Variants in MFSD2B observed in about 807,000 individuals in gnomAD.
MFSD2B encodes sphingosine-1-phosphate transporter MFSD2B.
A neutral mutation model predicts 58.4 loss-of-function variants in MFSD2B; 56 were observed. The observed-to-expected ratio is 0.96, with a 90% confidence interval of 0.77 to 1.20. The LOEUF is 1.20. MFSD2B is among the 50% of genes most tolerant of loss of function. The probability of loss-of-function intolerance (pLI) is 0.00; values close to 1 mark genes in which losing one functional copy is unlikely to be tolerated. For synonymous variants in MFSD2B, 287 were observed against 294.4 expected, an observed-to-expected ratio of 0.97 and a Z score of 0.26; for missense variants, 645 against 667.6, an observed-to-expected ratio of 0.97 and a Z score of 0.37.
In MFSD2B at chr2:24,021,553, G is replaced by A. The variant is rs1003789648; in HGVS notation, c.682-95G>A. ...CTGGGCTTGGGTTGTGCCTCCCTCCGCTCCCACTGGGAGGCAGTACTGCCC... is the reference window on the plus strand; with the variant it reads ...CTGGGCTTGGGTTGTGCCTCCCTCCACTCCCACTGGGAGGCAGTACTGCCC... On this transcript the variant is annotated intron_variant, in intron 6 of 13. Coordinates refer to ENST00000338315, the MANE Select transcript of MFSD2B (RefSeq NM_001346880.2). The surrounding 1 kb of genome is among the most constrained non-coding windows in gnomAD (Gnocchi z 5.7). The A allele has an allele frequency of 8.9e-5, 103 of 1,159,988 alleles. No homozygotes were observed. In the East Asian group the frequency reaches 2.4e-3, roughly 28 times the overall value. 71.9% of individuals were successfully genotyped at this position (1,159,988 alleles called of 1,614,324 possible).
In MFSD2B at chr2:24,017,276, G is replaced by T; in HGVS notation, c.472-10G>T. 6.3e-7 allele frequency: 1 copy of T among 1,589,880 alleles called. No homozygotes were observed. The highest frequency in any genetic ancestry group is 8.6e-7 in the Non-Finnish European group (1 of 1,169,132). On this transcript the variant is annotated splice_polypyrimidine_tract_variant and intron_variant, in intron 4 of 13. Transcript: ENST00000338315. This position sits in a 1 kb window ranked among gnomAD's most constrained non-coding sequence, Gnocchi z 4.8. ...GCTGGGGGCGGTTCTAAGCTCTGCC[G>T]ACGCCCCAGTTCTTCCAGGTGCCCT...
At position 24,010,147 on chromosome 2, in the gene MFSD2B, G is replaced by A. The variant is rs746082088; in HGVS notation, c.51G>A (p.Pro17=). The A allele has an allele frequency of 3.8e-5, 55 of 1,462,656 alleles. No homozygotes were observed. Among genetic ancestry groups the A allele is most frequent in the Admixed American group, 1.9e-4 (8 of 41,798 alleles). 90.6% of individuals were successfully genotyped at this position (1,462,656 alleles called of 1,614,324 possible). Reference sequence around the variant, plus strand: ...CCAAGGGGTCCCCGCAGCCGGAGCCGCACGCCCCAGAGCCCGGCCCGGGGA... The same window carrying A: ...CCAAGGGGTCCCCGCAGCCGGAGCCACACGCCCCAGAGCCCGGCCCGGGGA... ...PAAKGSPQPE[P]HAPEPGPGSA... is the part of the protein sequence containing the mutation. Residue 17 remains proline, a synonymous_variant, in exon 1 of 14, where the codon CCG becomes CCA. Transcript: ENST00000338315.
At chr2:24,019,485 G>C (rs1662676038) in intron 6 of MFSD2B, among the ~76,000 whole-genome samples, 1 of 152,166 alleles carries the variant, frequency 6.6e-6, no homozygotes, top group East Asian at 1.9e-4. Context: ...CACTTTGAGG[G>C]GCCGAGGTGG....
chr2:24,015,589 G>A (rs192292206), intron 2 of MFSD2B, among the ~76,000 whole-genome samples: 50 of 152,326 alleles, frequency 3.3e-4, no homozygotes, highest in African/African-American at 1.1e-3. Context: ...TCATCCAAAC[G>A]ATTCTGGCAG....
At position 24,022,557 on chromosome 2, in the gene MFSD2B, C is replaced by T. The variant is rs749828864; in HGVS notation, c.978+41C>T. ...GTGGTGGAGGCTAGGTCACTTGGGG[C>T]CCTGAGCTGGGGACATGTGTGGTCC... On this transcript the variant is annotated intron_variant, in intron 9 of 13. Transcript: ENST00000338315. This position sits in a 1 kb window ranked among gnomAD's most constrained non-coding sequence, Gnocchi z 4.5. 9 of 1,509,760 alleles carry T rather than the reference C, an allele frequency of 6.0e-6. No individual in the cohort carries two copies. The highest frequency in any genetic ancestry group is 4.1e-5 in the African/African-American group (3 of 72,652). 93.5% of individuals were successfully genotyped at this position (1,509,760 alleles called of 1,614,324 possible).
In MFSD2B at chr2:24,024,020, G is replaced by A; in HGVS notation, c.1314-75G>A. ...GTTTCAGGAGGGGGTGGGGTGGGGTGAGGTGTCGAGTCCCTCCACCCAGGG... is the reference window on the plus strand; with the variant it reads ...GTTTCAGGAGGGGGTGGGGTGGGGTAAGGTGTCGAGTCCCTCCACCCAGGG... On this transcript the variant is annotated intron_variant, in intron 12 of 13. Coordinates refer to ENST00000338315, the MANE Select transcript of MFSD2B (RefSeq NM_001346880.2). This position sits in a 1 kb window ranked among gnomAD's most constrained non-coding sequence, Gnocchi z 4.3. The A allele has an allele frequency of 6.9e-7, 1 of 1,444,298 alleles. No homozygotes were observed. The highest frequency in any genetic ancestry group is 9.6e-7 in the Non-Finnish European group (1 of 1,045,354). The allele number at this position is 1,444,298 out of a possible 1,614,324, so 89.5% of individuals were successfully genotyped here.
chr2:24,025,311 G>A (rs1662942915), intron 13 of MFSD2B, 121 bp from the exon 14 acceptor site: 1 of 835,392 alleles, frequency 1.2e-6, no homozygotes, highest in Non-Finnish European at 2.0e-6. Context: ...GAGGGGAGGA[G>A]TTGAAGAGGA....
chr2:24,012,705 A>T lies in MFSD2B; in HGVS notation c.97-580A>T, dbSNP rs2150937046. ...AGCCACTGAGGGGACCAGCGGTGCC[A>T]TTTGCTAGGAGCTGGATTAGACAAT... On this transcript the variant is annotated intron_variant, in intron 1 of 13. Transcript: ENST00000338315. The surrounding 1 kb of genome is among the most constrained non-coding windows in gnomAD (Gnocchi z 4.5). Among the ~76,000 whole-genome samples, 1 of 152,298 alleles carries T rather than the reference A, an allele frequency of 6.6e-6. No individual in the cohort carries two copies. The highest frequency in any genetic ancestry group is 3.4e-3 in the Middle Eastern group (1 of 294).
In MFSD2B at chr2:24,025,549, T is replaced by A. The variant is rs897376804; in HGVS notation, c.*93T>A. 2 of 1,169,986 alleles carry A rather than the reference T, an allele frequency of 1.7e-6. No homozygotes were observed. The highest frequency in any genetic ancestry group is 3.0e-5 in the African/African-American group (2 of 65,760). 72.5% of individuals were successfully genotyped at this position (1,169,986 alleles called of 1,614,324 possible). ...AGCCCTCCAGCACCTGGTCTGGCAG[T>A]TTAGTATGTGACCTTTCTCCCTGGG... On this transcript the variant is annotated 3_prime_UTR_variant, in exon 14 of 14. Coordinates refer to ENST00000338315, the MANE Select transcript of MFSD2B (RefSeq NM_001346880.2).
At position 24,021,911 on chromosome 2, in the gene MFSD2B, C is replaced by G; in HGVS notation, c.835C>G (p.Arg279Gly). ...SFLAGLSLTTRHPPYLKLVIS... is the reference protein window; with the variant it reads ...SFLAGLSLTTGHPPYLKLVIS... ...CCTGGCTGGGCTGAGCCTCACTACC[C>G]GGCACCCACCCTACCTGAAGCTGGT... The change falls in exon 8 of 14, where the codon CGG (arginine) becomes GGG (glycine). Residue 279 changes from arginine to glycine, a missense_variant. Physicochemically the swap from Arg to Gly is moderately radical, Grantham distance 125. Transcript: ENST00000338315. This position sits in a 1 kb window ranked among gnomAD's most constrained non-coding sequence, Gnocchi z 5.7. The G allele has an allele frequency of 6.2e-7, 1 of 1,614,012 alleles. No individual in the cohort carries two copies. Among genetic ancestry groups the G allele is most frequent in the Non-Finnish European group, 8.5e-7 (1 of 1,179,868 alleles).
rs1358450127 is a variant in MFSD2B at position 24,012,022 on chromosome 2, T to A, written c.97-1263T>A. On this transcript the variant is annotated intron_variant, in intron 1 of 13. Coordinates refer to ENST00000338315, the MANE Select transcript of MFSD2B (RefSeq NM_001346880.2). The surrounding 1 kb of genome is among the most constrained non-coding windows in gnomAD (Gnocchi z 4.5). ...CCCGGCGTGGCTGAAGGAGAGCTAT[T>A]TGAGGTGAGGTGGGTAGGGGGCCGA... is the stretch of plus-strand genomic sequence containing the variant. Among the ~76,000 whole-genome samples the A allele has an allele frequency of 1.3e-5, 2 of 152,062 alleles. No individual in the cohort carries two copies. The highest frequency in any genetic ancestry group is 2.9e-5 in the Non-Finnish European group (2 of 68,010).
intron 1 of MFSD2B, among the ~76,000 whole-genome samples, chr2:24,010,484 G>A (rs926586700): frequency 6.6e-6 from 1 of 152,224 alleles, no homozygotes; most frequent in Non-Finnish European, 1.5e-5. Flanking sequence ...GCCACCGCAG[G>A]TCCTCCCGGG....
rs779366878 is a variant in MFSD2B at position 24,016,841 on chromosome 2, G to T, written c.348-4G>T. The T allele has an allele frequency of 1.2e-6, 2 of 1,612,734 alleles. No homozygotes were observed. The highest frequency in any genetic ancestry group is 1.7e-6 in the Non-Finnish European group (2 of 1,179,768). On this transcript the variant is annotated splice_region_variant and splice_polypyrimidine_tract_variant and intron_variant, in intron 3 of 13. Coordinates refer to ENST00000338315, the MANE Select transcript of MFSD2B (RefSeq NM_001346880.2). Reference sequence around the variant, plus strand: ...GCCGCTCCACCTCGGCTGTGCTTCCGCAGGGTGCTGGGCTGCACCCCCTTC... The same window carrying T: ...GCCGCTCCACCTCGGCTGTGCTTCCTCAGGGTGCTGGGCTGCACCCCCTTC...
Position 24,012,372 on chromosome 2 carries a change from G to C in MFSD2B, c.97-913G>C, listed in dbSNP as rs1278141239. On this transcript the variant is annotated intron_variant, in intron 1 of 13. Coordinates refer to ENST00000338315, the MANE Select transcript of MFSD2B (RefSeq NM_001346880.2). This position sits in a 1 kb window ranked among gnomAD's most constrained non-coding sequence, Gnocchi z 4.5. ...AGCAATTCTCTTGCCTCAGCCTCCT[G>C]AGTAGCTGGGATTACAGGCGGCCAC... Among the ~76,000 whole-genome samples the C allele has an allele frequency of 6.6e-6, 1 of 152,088 alleles. No individual in the cohort carries two copies. The highest frequency in any genetic ancestry group is 1.5e-5 in the Non-Finnish European group (1 of 68,028).
rs1662892274 is a variant in MFSD2B at position 24,023,954 on chromosome 2, T to G, written c.1314-141T>G. The stretch of plus-strand genomic sequence containing the variant: ...AACTCTCCCAGGTCAGCCTGTCACC[T>G]TGACACTCCTCTCCTGATCTGACCA... On this transcript the variant is annotated intron_variant, in intron 12 of 13. Transcript: ENST00000338315. The surrounding 1 kb of genome is among the most constrained non-coding windows in gnomAD (Gnocchi z 5.0). 1.0e-6 allele frequency: 1 copy of G among 978,226 alleles called. No homozygotes were observed. Among genetic ancestry groups the G allele is most frequent in the Non-Finnish European group, 1.5e-6 (1 of 664,474 alleles). The allele number at this position is 978,226 out of a possible 1,614,324, so 60.6% of individuals were successfully genotyped here.
Position 24,021,882 on chromosome 2 carries a change from G to T in MFSD2B, c.806G>T (p.Ser269Ile), listed in dbSNP as rs764858377. 6.2e-7 allele frequency: 1 copy of T among 1,614,024 alleles called. No individual in the cohort carries two copies. The highest frequency in any genetic ancestry group is 2.2e-5 in the East Asian group (1 of 44,888). ...GCCCCAGCCTCAGGCCCAGGCTTGA[G>T]TTTCCTGGCTGGGCTGAGCCTCACT... The part of the protein sequence containing the change: ...PSAPASGPGL[S>I]FLAGLSLTTR... The change falls in exon 8 of 14, where the codon AGT (serine) becomes ATT (isoleucine). Residue 269 changes from serine (S) to isoleucine (I), a missense_variant. Coordinates refer to ENST00000338315, the MANE Select transcript of MFSD2B (RefSeq NM_001346880.2). The surrounding 1 kb of genome is among the most constrained non-coding windows in gnomAD (Gnocchi z 5.7).
At chr2:24,015,281 A>AG (rs1709098439) in intron 2 of MFSD2B, among the ~76,000 whole-genome samples, 1 of 151,996 alleles carries the variant, frequency 6.6e-6, no homozygotes, top group African/African-American at 2.4e-5. Flanking sequence ...ACAAAAAAAA[A>AG]AAAAATTTAA....
At chr2:24,018,246 T>G in intron 6 of MFSD2B, 1 of 166,502 alleles carries the variant, frequency 6.0e-6, no homozygotes, top group South Asian at 2.0e-4. Flanking sequence ...CCAAAAGTCT[T>G]CTGGGATGCA....
Position 24,010,158 on chromosome 2 carries a change from AGCCCG to A in MFSD2B, c.69_73del (p.Pro24GlufsTer46), listed in dbSNP as rs1228916332. On this transcript the variant is annotated frameshift_variant, in exon 1 of 14. Coordinates refer to ENST00000338315, the MANE Select transcript of MFSD2B (RefSeq NM_001346880.2). LOFTEE classifies it high-confidence loss of function. ...CCGCAGCCGGAGCCGCACGCCCCAGAGCCCGGCCCGGGGAGCGCCAAGCGAGGGCG... is the reference window on the plus strand; with the variant it reads ...CCGCAGCCGGAGCCGCACGCCCCAGAGCCCGGGGAGCGCCAAGCGAGGGCG... 1 of 1,452,638 alleles carries A rather than the reference AGCCCG, an allele frequency of 6.9e-7. No homozygotes were observed. The highest frequency in any genetic ancestry group is 1.5e-5 in the African/African-American group (1 of 67,754). 90.0% of individuals were successfully genotyped at this position (1,452,638 alleles called of 1,614,324 possible).
Sources: gnomAD v4.1 joint callset for allele counts (sites outside exome capture counted in the v4.1 genomes callset) on GRCh38, gnomAD v4.1.1 for gene constraint, Gnocchi (gnomAD v3.1) non-coding constraint, MANE v1.5 for transcripts, NCBI Gene and HGNC (gene_info 2026-07-23, HGNC 2026-07-21) for gene names.